IQCJ: variants seen among roughly 807,000 people sequenced by gnomAD.
IQCJ encodes IQ domain-containing protein J.
Under a neutral mutation model 11.0 loss-of-function variants are expected in IQCJ, and 9 were observed. The ratio of observed to expected loss-of-function variants is 0.82; its 90% CI spans 0.49 to 1.43. The LOEUF is 1.43. IQCJ is among the 40% of genes most tolerant of loss of function. The pLI is 0.00. For synonymous variants in IQCJ, 55 were observed against 51.3 expected (o/e 1.07, Z -0.31); for missense variants, 146 against 133.2 (o/e 1.10, Z -0.47).
At chr3:159,253,174 C>A (rs1001111585) in intron 3 of IQCJ, among the ~76,000 whole-genome samples, 1 of 152,168 alleles carries the variant, frequency 6.6e-6, no homozygotes, top group Non-Finnish European at 1.5e-5. Flanking sequence ...GTATCACACA[C>A]ACACACACCC....
intron 1 of IQCJ, among the ~76,000 whole-genome samples, chr3:159,147,111 C>A (rs1273923046): frequency 6.6e-6 from 1 of 152,102 alleles, no homozygotes; most frequent in Non-Finnish European, 1.5e-5. Context: ...TTTAATATGC[C>A]AATGTAGAAT....
chr3:159,181,835 C>G (rs536253716), intron 1 of IQCJ, among the ~76,000 whole-genome samples: 1 of 152,036 alleles, frequency 6.6e-6, no homozygotes, highest in Admixed American at 6.5e-5. Context: ...TGAATTCTTG[C>G]ACCATCTCCA....
chr3:159,102,302 G>A (rs1020836255), intron 1 of IQCJ, among the ~76,000 whole-genome samples: 2 of 152,174 alleles, frequency 1.3e-5, no homozygotes, highest in Admixed American at 1.3e-4. Flanking sequence ...CACTTTTACA[G>A]TACACCTTGG....
At position 159,226,682 on chromosome 3, in the gene IQCJ, T is replaced by C. The variant is rs576025703; in HGVS notation, c.10-19161T>C. ...CTAAATAACATTTCAGGATGCCCAATTGGGTGAGGAAAGTACAGAGAAATG... is the reference window on the plus strand; with the variant it reads ...CTAAATAACATTTCAGGATGCCCAACTGGGTGAGGAAAGTACAGAGAAATG... On this transcript the variant is annotated intron_variant, in intron 1 of 3. Coordinates refer to ENST00000397832, the MANE Select transcript of IQCJ (RefSeq NM_001042706.3). 1.8e-4 allele frequency among the ~76,000 whole-genome samples: 28 copies of C among 152,268 alleles called. No homozygotes were observed. In the Middle Eastern group the frequency reaches 0.01, roughly 55 times the overall value.
intron 2 of IQCJ, among the ~76,000 whole-genome samples, chr3:159,249,263 T>G (rs183049309): frequency 2.3e-4 from 35 of 152,330 alleles, no homozygotes; most frequent in African/African-American, 7.7e-4. Flanking sequence ...CTCAACTGTC[T>G]TCTCTCAGGA....
chr3:159,124,044 T>A, intron 1 of IQCJ, among the ~76,000 whole-genome samples: 1 of 152,198 alleles, frequency 6.6e-6, no homozygotes, highest in Non-Finnish European at 1.5e-5. Flanking sequence ...ATGTATCTTA[T>A]TTCAATGCCC....
At chr3:159,163,261 G>T (rs964051644) in intron 1 of IQCJ, among the ~76,000 whole-genome samples, 8 of 152,164 alleles carry the variant, frequency 5.3e-5, no homozygotes, top group African/African-American at 1.7e-4. Context: ...ATGCAAGCCT[G>T]GTTCAATATA....
At chr3:159,102,294 C>T (rs570278059) in intron 1 of IQCJ, among the ~76,000 whole-genome samples, 19 of 152,282 alleles carry the variant, frequency 1.2e-4, no homozygotes, top group Admixed American at 7.2e-4. Context: ...AATGTATTCA[C>T]TTTTACAGTA....
At chr3:159,134,621 C>A (rs1720183043) in intron 1 of IQCJ, among the ~76,000 whole-genome samples, 1 of 152,264 alleles carries the variant, frequency 6.6e-6, no homozygotes, top group South Asian at 2.1e-4. Context: ...CCTCCTGGGA[C>A]TCTCAGCAGA....
intron 1 of IQCJ, among the ~76,000 whole-genome samples, chr3:159,209,119 C>A (rs1724811653): frequency 6.6e-6 from 1 of 152,164 alleles, no homozygotes; most frequent in South Asian, 2.1e-4. Context: ...ATCTGCCACA[C>A]CCCCTGATCC....
chr3:159,109,527 TAAA>T (rs3051445), intron 1 of IQCJ, among the ~76,000 whole-genome samples: 2 of 122,700 alleles, frequency 1.6e-5, no homozygotes, highest in Admixed American at 9.3e-5. Context: ...TTGTATTAAC[TAAA>T]AAAAAAAAAA....
intron 1 of IQCJ, among the ~76,000 whole-genome samples, chr3:159,108,623 G>C (rs758039589): frequency 2.6e-5 from 4 of 152,128 alleles, no homozygotes; most frequent in Admixed American, 6.5e-5. Flanking sequence ...AGATGTATTA[G>C]CTGTGAAACT....
At chr3:159,171,673 T>C (rs1322377095) in intron 1 of IQCJ, among the ~76,000 whole-genome samples, 5 of 152,198 alleles carry the variant, frequency 3.3e-5, no homozygotes, top group Non-Finnish European at 1.5e-5. Flanking sequence ...AGACTATTTC[T>C]CGGGCTTCAG....
At chr3:159,164,461 A>G (rs909114158) in intron 1 of IQCJ, among the ~76,000 whole-genome samples, 6 of 152,208 alleles carry the variant, frequency 3.9e-5, no homozygotes, top group African/African-American at 1.4e-4. Flanking sequence ...GTGTAAGCCT[A>G]CTATAATTAG....
chr3:159,130,531 C>T (rs1275844884), intron 1 of IQCJ, among the ~76,000 whole-genome samples: 1 of 152,114 alleles, frequency 6.6e-6, no homozygotes, highest in Admixed American at 6.6e-5. Flanking sequence ...TAAGATGTTT[C>T]CTCATCTGTA....
At position 159,182,524 on chromosome 3, in the gene IQCJ, C is replaced by T. The variant is rs953958271; in HGVS notation, c.10-63319C>T. On this transcript the variant is annotated intron_variant, in intron 1 of 3. Coordinates refer to ENST00000397832, the MANE Select transcript of IQCJ (RefSeq NM_001042706.3). The stretch of plus-strand genomic sequence containing the variant: ...AAGGGGCTTATTCGGCCGGGGGCAT[C>T]GGCAAGACTCCTGTCTCAAGGGCCG... Among the ~76,000 whole-genome samples, 59 of 152,096 alleles carry T rather than the reference C, an allele frequency of 3.9e-4. 2 individuals are homozygous for T. The highest frequency in any genetic ancestry group is 1.3e-3 in the African/African-American group (53 of 41,374).
intron 1 of IQCJ, among the ~76,000 whole-genome samples, chr3:159,133,876 G>T (rs1048128433): frequency 6.6e-6 from 1 of 151,526 alleles, no homozygotes; most frequent in African/African-American, 2.4e-5. Context: ...CATTATTTTT[G>T]CGAGTCAAGA....
rs978183171 is a variant in IQCJ at position 159,154,712 on chromosome 3, C to T, written c.9+85271C>T. On this transcript the variant is annotated intron_variant, in intron 1 of 3. Coordinates refer to ENST00000397832, the MANE Select transcript of IQCJ (RefSeq NM_001042706.3). ...GCCTCTGGGAGCTCCAAGCAAAGCT[C>T]TTTGGTTGGAATCTCTCTGAGGTTA... Among the ~76,000 whole-genome samples the T allele has an allele frequency of 2.6e-5, 4 of 152,156 alleles. No homozygotes were observed. In the East Asian group the frequency reaches 5.8e-4, roughly 22 times the overall value.
At chr3:159,187,536 TGCACCATGCTCCGCGCGGTCAGGCGGCC>T (rs1292462255) in intron 1 of IQCJ, among the ~76,000 whole-genome samples, 2 of 152,274 alleles carry the variant, frequency 1.3e-5, no homozygotes, top group Non-Finnish European at 2.9e-5. Flanking sequence ...TCGCTCCTGG[TGCACCATGCTCCGCGCGGTCAGGCGGCC>T]ACAAGCCATG....
Sources: gnomAD v4.1 joint callset for allele counts (sites outside exome capture counted in the v4.1 genomes callset) on GRCh38, gnomAD v4.1.1 for gene constraint, MANE v1.5 for transcripts, NCBI Gene and HGNC (gene_info 2026-07-23, HGNC 2026-07-21) for gene names.